The following SGTA variants were observed in gnomAD, a reference collection of about 807,000 sequenced individuals.
SGTA encodes the protein small glutamine rich tetratricopeptide repeat co-chaperone alpha.
SGTA carries 22 observed loss-of-function variants against 44.3 expected under a neutral mutation model. The ratio of observed to expected loss-of-function variants is 0.50; its 90% CI spans 0.36 to 0.71. SGTA has a LOEUF of 0.71. SGTA is among the 30% of genes least tolerant of loss of function. The pLI is 0.00. For synonymous variants in SGTA, 174 were observed against 177.6 expected, an observed-to-expected ratio of 0.98 and a Z score of 0.16; for missense variants, 341 against 435.9, an observed-to-expected ratio of 0.78 and a Z score of 1.94.
chr19:2,759,198 C>T, intron 9 of SGTA, 59 bp downstream of exon 9: 2 of 1,500,848 alleles, frequency 1.3e-6, no homozygotes, highest in Non-Finnish European at 1.9e-6. Context: ...AGTGAATTTA[C>T]CCACAATAAA....
intron 1 of SGTA, among the ~76,000 whole-genome samples, chr19:2,771,798 G>T (rs1185099785): frequency 6.6e-6 from 1 of 152,244 alleles, no homozygotes; most frequent in African/African-American, 2.4e-5. Context: ...TGTGGTGCTG[G>T]CGCATGGAGG....
chr19:2,774,389 C>T (rs1915395122), intron 1 of SGTA, among the ~76,000 whole-genome samples: 1 of 152,132 alleles, frequency 6.6e-6, no homozygotes, highest in African/African-American at 2.4e-5. Flanking sequence ...GGAGCAGCTG[C>T]GCGTTGCTCA....
chr19:2,772,783 C>G (rs10413666), intron 1 of SGTA, among the ~76,000 whole-genome samples: 31,355 of 129,992 alleles, frequency 0.24, 3,653 homozygotes, highest in East Asian at 0.54. Context: ...CGCGGCCACA[C>G]GGCAGGGACA....
intron 1 of SGTA, among the ~76,000 whole-genome samples, chr19:2,774,643 T>C (rs914944021): frequency 6.6e-6 from 1 of 152,084 alleles, no homozygotes; most frequent in African/African-American, 2.4e-5. Context: ...ATGACCTACC[T>C]GAGCACTTCG....
At chr19:2,772,058 G>T (rs949307163) in intron 1 of SGTA, among the ~76,000 whole-genome samples, 3 of 152,262 alleles carry the variant, frequency 2.0e-5, no homozygotes, top group Non-Finnish European at 4.4e-5. Context: ...TTCCTCCGGG[G>T]CCGGGCCCAG....
intron 1 of SGTA, among the ~76,000 whole-genome samples, chr19:2,775,676 T>G (rs1443086129): frequency 2.0e-5 from 3 of 151,948 alleles, no homozygotes; most frequent in Non-Finnish European, 4.4e-5. Context: ...GTGCCGGGGC[T>G]TGGGGAGGGG....
At chr19:2,776,877 C>T (rs1304622541) in intron 1 of SGTA, among the ~76,000 whole-genome samples, 2 of 152,170 alleles carry the variant, frequency 1.3e-5, no homozygotes, top group Non-Finnish European at 1.5e-5. Flanking sequence ...GCGGGAGAAT[C>T]GCTTGAACCC....
At position 2,767,685 on chromosome 19, in the gene SGTA, G is replaced by A. The variant is rs147338383; in HGVS notation, c.102C>T (p.Val34=). 38 of 1,612,452 alleles carry A rather than the reference G, an allele frequency of 2.4e-5. No individual in the cohort carries two copies. The African/African-American group carries it at 2.4e-4, about 10-fold the overall frequency. Residue 34 remains valine, a splice_region_variant and synonymous_variant, in exon 3 of 12, where the codon GTC becomes GTT. Coordinates refer to ENST00000221566, the MANE Select transcript of SGTA (RefSeq NM_003021.4). The surrounding 1 kb of genome is among the most constrained non-coding windows in gnomAD (Gnocchi z 7.3). ...LSSDAQESLE[V]AIQCLETAFG... is the part of the protein sequence containing the mutation. Reference sequence around the variant, plus strand: ...ACGCAGTCTCCAGGCACTGGATGGCGACTGAAGCGGGGACAGAGGCGGTCC... The same window carrying A: ...ACGCAGTCTCCAGGCACTGGATGGCAACTGAAGCGGGGACAGAGGCGGTCC...
At chr19:2,770,031 C>T (rs1458121603) in intron 1 of SGTA, 1 of 112,764 alleles carries the variant, frequency 8.9e-6, no homozygotes, top group Non-Finnish European at 1.9e-5. Flanking sequence ...CTCGGACACC[C>T]GCCTGTGCCC....
At chr19:2,780,146 A>G (rs1915538336) in intron 1 of SGTA, among the ~76,000 whole-genome samples, 1 of 152,126 alleles carries the variant, frequency 6.6e-6, no homozygotes, top group African/African-American at 2.4e-5. Flanking sequence ...CCCAGAAGGG[A>G]TCATTCAATG....
chr19:2,773,221 T>C (rs113622694), intron 1 of SGTA, among the ~76,000 whole-genome samples: 1 of 8,874 alleles, frequency 1.1e-4, no homozygotes. Flanking sequence ...CAGAGATGGG[T>C]GACGCGGCCA....
chr19:2,772,467 C>T (rs1029056533), intron 1 of SGTA, among the ~76,000 whole-genome samples: 1 of 152,250 alleles, frequency 6.6e-6, no homozygotes, highest in South Asian at 2.1e-4. Flanking sequence ...AGGTCCCACT[C>T]CCCAGCTGGG....
At chr19:2,766,027 G>A (rs963896856) in intron 4 of SGTA, among the ~76,000 whole-genome samples, 1 of 152,136 alleles carries the variant, frequency 6.6e-6, no homozygotes, top group African/African-American at 2.4e-5. Flanking sequence ...GACCATCCTG[G>A]CCAACACAGT....
chr19:2,782,541 A>T (rs1329112558), intron 1 of SGTA: 1 of 152,196 alleles, frequency 6.6e-6, no homozygotes, highest in Admixed American at 6.5e-5. Context: ...AAGAAGGAAC[A>T]GTTTGCTCAG....
intron 1 of SGTA, among the ~76,000 whole-genome samples, chr19:2,778,214 G>C (rs554636864): frequency 1.3e-5 from 2 of 152,046 alleles, no homozygotes; most frequent in Non-Finnish European, 2.9e-5. Context: ...TGAGGGGTGT[G>C]GGGGGCAGGG....
chr19:2,766,978 C>T (rs571790119), intron 4 of SGTA, among the ~76,000 whole-genome samples, 158 bp downstream of exon 4: 1 of 152,224 alleles, frequency 6.6e-6, no homozygotes, highest in South Asian at 2.1e-4. Context: ...CCTCGCCAGT[C>T]CCCCTTCCGT....
At position 2,761,659 on chromosome 19, in the gene SGTA, C is replaced by CA. The variant is rs1914993393; in HGVS notation, c.637-138dup. 5.5e-6 allele frequency: 4 copies of CA among 724,308 alleles called. No individual in the cohort carries two copies. Among genetic ancestry groups the CA allele is most frequent in the Admixed American group, 4.5e-5 (2 of 44,410 alleles). The allele number at this position is 724,308 out of a possible 1,614,324, so 44.9% of individuals were successfully genotyped here. Reference sequence around the variant, plus strand: ...CCTGCGGCCAGAGGGTGCTTTGAGGCAGGCAGCACGAAGCACATCGCAACC... The same window carrying CA: ...CCTGCGGCCAGAGGGTGCTTTGAGGCAAGGCAGCACGAAGCACATCGCAACC... On this transcript the variant is annotated intron_variant, in intron 7 of 11. Coordinates refer to ENST00000221566, the MANE Select transcript of SGTA (RefSeq NM_003021.4). The surrounding 1 kb of genome is among the most constrained non-coding windows in gnomAD (Gnocchi z 5.7).
intron 4 of SGTA, among the ~76,000 whole-genome samples, chr19:2,766,048 T>A (rs1317768937): frequency 6.6e-6 from 1 of 152,028 alleles, no homozygotes; most frequent in Non-Finnish European, 1.5e-5. Context: ...GAAACCTGTC[T>A]CTACTAGAAA....
intron 8 of SGTA, among the ~76,000 whole-genome samples, chr19:2,760,288 G>T (rs1215585720): frequency 1.3e-5 from 2 of 151,908 alleles, no homozygotes; most frequent in Non-Finnish European, 2.9e-5. Context: ...GGGGGCCGAG[G>T]CGGGTGGATC....
Sources: gnomAD v4.1 joint callset for allele counts (sites outside exome capture counted in the v4.1 genomes callset) on GRCh38, gnomAD v4.1.1 for gene constraint, Gnocchi (gnomAD v3.1) non-coding constraint, MANE v1.5 for transcripts, NCBI Gene and HGNC (gene_info 2026-07-23, HGNC 2026-07-21) for gene names.